VAMP7: variants seen among roughly 807,000 people sequenced by gnomAD.
The protein encoded by VAMP7 is vesicle associated membrane protein 7, also known as vesicle-associated membrane protein 7.
In VAMP7, 14 loss-of-function variants were observed where a neutral mutation model predicts 29.6. The ratio of observed to expected loss-of-function variants is 0.47; its 90% confidence interval spans 0.31 to 0.74. The LOEUF is 0.74. Ranked by LOEUF, VAMP7 falls within the 30% of genes least tolerant of loss-of-function variation. The probability of loss-of-function intolerance (pLI) is 0.05; values close to 1 mark genes in which losing one functional copy is unlikely to be tolerated. For synonymous variants in VAMP7, 95 were observed against 88.1 expected (o/e 1.08, Z -0.44); for missense variants, 223 against 262.4 (o/e 0.85, Z 1.04).
At chrX:155,899,326 T>C (rs1458490194) in intron 4 of VAMP7, among the ~76,000 whole-genome samples, 5 of 152,008 alleles carry the variant, frequency 3.3e-5, no homozygotes, top group Admixed American at 1.3e-4. Context: ...TTCCAGTTGA[T>C]GTGTAATGGT....
intron 6 of VAMP7, among the ~76,000 whole-genome samples, chrX:155,932,090 A>T (rs1172725685): frequency 6.6e-6 from 1 of 152,090 alleles, no homozygotes; most frequent in Non-Finnish European, 1.5e-5. Context: ...TACCAGTACC[A>T]TGCTGTTTTG....
intron 5 of VAMP7, among the ~76,000 whole-genome samples, chrX:155,908,142 C>A (rs1468490572): frequency 1.3e-5 from 2 of 152,228 alleles, no homozygotes; most frequent in Non-Finnish European, 2.9e-5. Context: ...ACGCTCCTCA[C>A]TTCCCAGACG....
chrX:155,900,640 T>C, intron 5 of VAMP7, 53 bp downstream of exon 5: 1 of 1,474,528 alleles, frequency 6.8e-7, no homozygotes, highest in South Asian at 1.2e-5. Flanking sequence ...TAAAGATTAC[T>C]TGACTGGGGT....
chrX:155,908,704 GT>G (rs2066189140), intron 5 of VAMP7, among the ~76,000 whole-genome samples: 1 of 152,182 alleles, frequency 6.6e-6, no homozygotes, highest in Non-Finnish European at 1.5e-5. Flanking sequence ...ATTTGTGAAA[GT>G]TTTGTATTAA....
At chrX:155,901,325 G>A (rs769501242) in intron 5 of VAMP7, among the ~76,000 whole-genome samples, 2 of 152,060 alleles carry the variant, frequency 1.3e-5, no homozygotes, top group East Asian at 3.9e-4. Flanking sequence ...AGAGACTAGA[G>A]AATCTGTTGA....
At position 155,941,863 on chromosome X, in the gene VAMP7, T is replaced by G. The variant is rs747317445; in HGVS notation, c.595-20T>G. 2.5e-6 allele frequency: 4 copies of G among 1,608,936 alleles called. No homozygotes were observed. The South Asian group carries it at 3.3e-5, about 13-fold the overall frequency. On this transcript the variant is annotated intron_variant, in intron 7 of 7. Coordinates refer to ENST00000286448, the MANE Select transcript of VAMP7 (RefSeq NM_005638.6). ...TATGATTGATTCAAGAAAATAAAAT[T>G]GCTCTCCTCGTCCCTCCAGGTGTTC...
At chrX:155,897,527 A>T (rs990797215) in intron 3 of VAMP7, among the ~76,000 whole-genome samples, 1 of 152,182 alleles carries the variant, frequency 6.6e-6, no homozygotes, top group Non-Finnish European at 1.5e-5. Flanking sequence ...CTATAATTTG[A>T]TACACACATA....
chrX:155,924,206 T>C (rs1489496347), intron 6 of VAMP7, among the ~76,000 whole-genome samples: 2 of 152,304 alleles, frequency 1.3e-5, no homozygotes, highest in East Asian at 1.9e-4. Context: ...GAGAGATAAC[T>C]CACAGACCAT....
chrX:155,898,706 T>G (rs977862735), intron 4 of VAMP7, among the ~76,000 whole-genome samples: 1 of 152,110 alleles, frequency 6.6e-6, no homozygotes, highest in African/African-American at 2.4e-5. Context: ...GAAATACCAC[T>G]GTACTTAAGA....
rs185892070 is a variant in VAMP7, at chrX:155,939,615, A to G, written c.502-86A>G. ...AGGTCATTGGACTTAAATGGAATTA[A>G]TGGAAGTAAAATGTTCTCAGGTTGT... On this transcript the variant is annotated intron_variant, in intron 6 of 7. Coordinates refer to ENST00000286448, the MANE Select transcript of VAMP7 (RefSeq NM_005638.6). 8.4e-6 allele frequency: 8 copies of G among 950,882 alleles called. No homozygotes were observed. In the East Asian group the frequency reaches 1.9e-4, roughly 23 times the overall value. 58.9% of individuals were successfully genotyped at this position (950,882 alleles called of 1,614,324 possible).
At chrX:155,933,604 T>C (rs1386610337) in intron 6 of VAMP7, among the ~76,000 whole-genome samples, 1 of 152,116 alleles carries the variant, frequency 6.6e-6, no homozygotes, top group Admixed American at 6.5e-5. Context: ...TTTTCTTCTT[T>C]ATTAGTCTTG....
At chrX:155,916,196 T>C (rs1282991553) in intron 5 of VAMP7, among the ~76,000 whole-genome samples, 2 of 152,220 alleles carry the variant, frequency 1.3e-5, no homozygotes, top group Admixed American at 6.5e-5. Flanking sequence ...TTTTTTGCTT[T>C]CCATTTGCTT....
rs755536764 is a variant in VAMP7 at position 155,924,667 on chromosome X, CTTGATG to C, written c.501+4794_501+4799del. On this transcript the variant is annotated intron_variant, in intron 6 of 7. Transcript: ENST00000286448. ...TCTTTTTGCTGGTGGAGGGTCTCAC[CTTGATG>C]TTGATGGCTACTGACTGATCGATCA... Among the ~76,000 whole-genome samples the C allele has an allele frequency of 5.3e-5, 8 of 152,260 alleles. No individual in the cohort carries two copies. The South Asian group carries it at 1.2e-3, about 24-fold the overall frequency.
At position 155,941,852 on chromosome X, in the gene VAMP7, GAAAAT is replaced by G. The variant is rs781131598; in HGVS notation, c.595-25_595-21del. On this transcript the variant is annotated intron_variant, in intron 7 of 7. Coordinates refer to ENST00000286448, the MANE Select transcript of VAMP7 (RefSeq NM_005638.6). ...ATTTAGAATAATATGATTGATTCAA[GAAAAT>G]AAAATTGCTCTCCTCGTCCCTCCAG... 3 of 1,605,888 alleles carry G rather than the reference GAAAAT, an allele frequency of 1.9e-6. No homozygotes were observed. The South Asian group carries it at 3.3e-5, about 18-fold the overall frequency.
intron 5 of VAMP7, among the ~76,000 whole-genome samples, chrX:155,900,983 C>G (rs906066535): frequency 3.4e-4 from 52 of 152,110 alleles, no homozygotes; most frequent in African/African-American, 1.2e-3. Context: ...AGATAAGGAG[C>G]TTGCTGAAGA....
chrX:155,903,402 A>G (rs1250007677), intron 5 of VAMP7, among the ~76,000 whole-genome samples: 4 of 152,194 alleles, frequency 2.6e-5, no homozygotes, highest in Non-Finnish European at 2.9e-5. Flanking sequence ...AGAAACTACT[A>G]TCAGAGTGAA....
intron 1 of VAMP7, among the ~76,000 whole-genome samples, chrX:155,884,844 A>G (rs1311571659): frequency 6.6e-6 from 1 of 152,172 alleles, no homozygotes; most frequent in Admixed American, 6.5e-5. Flanking sequence ...TTCAGCCTCT[A>G]CTTGAAGATG....
At chrX:155,935,387 C>T (rs181953617) in intron 6 of VAMP7, among the ~76,000 whole-genome samples, 1 of 152,164 alleles carries the variant, frequency 6.6e-6, no homozygotes, top group African/African-American at 2.4e-5. Context: ...TTCTTGGAGG[C>T]TTTTTTCGTT....
chrX:155,940,500 T>C (rs1272144714), intron 7 of VAMP7, among the ~76,000 whole-genome samples: 1 of 152,170 alleles, frequency 6.6e-6, no homozygotes, highest in Non-Finnish European at 1.5e-5. Context: ...CTTGCTCAGG[T>C]TTCTCTTTCT....
Sources: allele counts gnomAD v4.1 joint callset (sites outside exome capture counted in the v4.1 genomes callset), GRCh38; gene constraint gnomAD v4.1.1; transcripts MANE v1.5; gene names NCBI Gene and HGNC (gene_info 2026-07-23, HGNC 2026-07-21).